The following MAN2A1 variants were observed in gnomAD, a reference collection of about 807,000 sequenced individuals.
MAN2A1 encodes alpha-mannosidase 2.
A neutral mutation model predicts 142.6 loss-of-function variants in MAN2A1; 76 were observed. That is an observed-to-expected ratio of 0.53 (90% CI 0.44 to 0.65). MAN2A1 has a LOEUF of 0.65. Among genes scored for constraint, MAN2A1 ranks in the 30% least tolerant of loss-of-function variants. The probability of loss-of-function intolerance (pLI) is 0.00; values close to 1 mark genes in which losing one functional copy is unlikely to be tolerated. For missense variants in MAN2A1, 1,311 were observed against 1,365.1 expected (o/e 0.96, Z 0.62); for synonymous variants, 559 against 473.2 (o/e 1.18, Z -2.35).
intron 4 of MAN2A1, among the ~76,000 whole-genome samples, chr5:109,747,545 T>A (rs1225845094): frequency 6.6e-6 from 1 of 152,122 alleles, no homozygotes; most frequent in Non-Finnish European, 1.5e-5. Flanking sequence ...GTATCCATGA[T>A]CTCTATTTAT....
intron 16 of MAN2A1, among the ~76,000 whole-genome samples, chr5:109,829,119 C>T (rs1368892643): frequency 1.3e-5 from 2 of 152,162 alleles, no homozygotes; most frequent in Non-Finnish European, 2.9e-5. Context: ...AGCAATGAAT[C>T]CAGCTACTCA....
At chr5:109,848,547 C>G (rs564566178) in intron 19 of MAN2A1, among the ~76,000 whole-genome samples, 30 of 152,268 alleles carry the variant, frequency 2.0e-4, no homozygotes, top group Admixed American at 7.8e-4. Flanking sequence ...TTCCAGTTAT[C>G]TAACATCTAC....
intron 18 of MAN2A1, among the ~76,000 whole-genome samples, chr5:109,846,991 G>A (rs1432785066): frequency 1.5e-5 from 2 of 129,276 alleles, no homozygotes; most frequent in Non-Finnish European, 3.3e-5. Context: ...TAGGGGCCCA[G>A]TGTTGCTAAA....
intron 12 of MAN2A1, chr5:109,804,353 AAT>A (rs1754108996): frequency 1.1e-6 from 1 of 897,604 alleles, no homozygotes; most frequent in African/African-American, 1.8e-5. Flanking sequence ...CTTTTTTTAA[AAT>A]TTTTATTTTT....
intron 4 of MAN2A1, among the ~76,000 whole-genome samples, chr5:109,740,459 G>A (rs1464692679): frequency 6.6e-6 from 1 of 152,156 alleles, no homozygotes; most frequent in African/African-American, 2.4e-5. Context: ...GCTTCACAGA[G>A]TCCAGCCACC....
intron 16 of MAN2A1, among the ~76,000 whole-genome samples, chr5:109,841,098 C>T (rs969696967): frequency 1.3e-5 from 2 of 152,096 alleles, no homozygotes; most frequent in South Asian, 4.1e-4. Flanking sequence ...TGACCACTTT[C>T]CTAATTGCTC....
intron 18 of MAN2A1, among the ~76,000 whole-genome samples, chr5:109,846,613 A>G (rs1274740006): frequency 6.6e-6 from 1 of 152,170 alleles, no homozygotes; most frequent in Admixed American, 6.5e-5. Context: ...CATATTTTTA[A>G]TTGGTTATCA....
chr5:109,762,254 T>A (rs891952967), intron 5 of MAN2A1, among the ~76,000 whole-genome samples: 1 of 152,214 alleles, frequency 6.6e-6, no homozygotes, highest in African/African-American at 2.4e-5. Flanking sequence ...CATTTTTATT[T>A]GACTGTTAGT....
intron 12 of MAN2A1, among the ~76,000 whole-genome samples, chr5:109,809,840 A>C (rs1350423634): frequency 6.6e-6 from 1 of 152,086 alleles, no homozygotes; most frequent in East Asian, 1.9e-4. Flanking sequence ...ATTTCCATCT[A>C]CACATATCCT....
intron 4 of MAN2A1, among the ~76,000 whole-genome samples, chr5:109,742,697 C>G (rs1474568238): frequency 6.6e-6 from 1 of 152,114 alleles, no homozygotes; most frequent in East Asian, 1.9e-4. Flanking sequence ...ATTTATAGAG[C>G]AATGGGAAGT....
chr5:109,704,485 A>T (rs1421100811), intron 1 of MAN2A1, among the ~76,000 whole-genome samples: 1 of 152,174 alleles, frequency 6.6e-6, no homozygotes, highest in Admixed American at 6.5e-5. Flanking sequence ...GTTATTTATA[A>T]CTGGCTTGTG....
intron 12 of MAN2A1, chr5:109,804,204 G>C: frequency 1.0e-6 from 1 of 987,096 alleles, no homozygotes; most frequent in Non-Finnish European, 1.2e-6. Flanking sequence ...TTTTAGTGAA[G>C]GTATCCTGAT....
intron 3 of MAN2A1, among the ~76,000 whole-genome samples, chr5:109,716,801 C>A (rs1024572810): frequency 4.6e-5 from 7 of 152,188 alleles, no homozygotes; most frequent in African/African-American, 1.4e-4. Context: ...CAAGTTTTTT[C>A]CCTGGTAGAA....
chr5:109,716,560 A>G (rs1187441137), intron 3 of MAN2A1, among the ~76,000 whole-genome samples: 1 of 152,224 alleles, frequency 6.6e-6, no homozygotes, highest in Admixed American at 6.5e-5. Flanking sequence ...TCATTTTAGT[A>G]ACTTTTTAAA....
intron 5 of MAN2A1, among the ~76,000 whole-genome samples, chr5:109,761,957 CA>C (rs1752855145): frequency 6.6e-6 from 1 of 152,020 alleles, no homozygotes; most frequent in East Asian, 1.9e-4. Flanking sequence ...TTGTTTTAAA[CA>C]GTATTTTATT....
chr5:109,789,108 C>A, intron 11 of MAN2A1, 60 bp downstream of exon 11: 4 of 825,980 alleles, frequency 4.8e-6, no homozygotes, highest in South Asian at 1.9e-5. Flanking sequence ...CTTGCATTAG[C>A]AAAGAGGATG....
At chr5:109,764,643 CTT>C (rs1404894560) in intron 5 of MAN2A1, among the ~76,000 whole-genome samples, 1 of 152,144 alleles carries the variant, frequency 6.6e-6, no homozygotes, top group Non-Finnish European at 1.5e-5. Flanking sequence ...CTCAGGGACT[CTT>C]TATTCCATTG....
chr5:109,761,214 T>A (rs187268263), intron 5 of MAN2A1, among the ~76,000 whole-genome samples: 97 of 151,622 alleles, frequency 6.4e-4, no homozygotes, highest in Non-Finnish European at 1.2e-3. Flanking sequence ...ATACTTATAG[T>A]ATTTAGACTA....
At chr5:109,702,634 GT>G (rs1751021428) in intron 1 of MAN2A1, among the ~76,000 whole-genome samples, 1 of 152,142 alleles carries the variant, frequency 6.6e-6, no homozygotes, top group African/African-American at 2.4e-5. Context: ...AACACTTGAT[GT>G]ATAGGATATT....
Sources: allele counts gnomAD v4.1 joint callset (sites outside exome capture counted in the v4.1 genomes callset), GRCh38; gene constraint gnomAD v4.1.1; transcripts MANE v1.5; gene names NCBI Gene and HGNC (gene_info 2026-07-23, HGNC 2026-07-21).